TAF4: variants seen among roughly 807,000 people sequenced by gnomAD.
TAF4 encodes the protein TATA-box binding protein associated factor 4.
Under a neutral mutation model 90.3 loss-of-function variants are expected in TAF4, and 9 were observed. The ratio of observed to expected loss-of-function variants is 0.10; its 90% CI spans 0.06 to 0.17. The LOEUF (loss-of-function observed/expected upper bound fraction) is 0.17, where lower values mean the gene tolerates loss of function less well. Ranked by LOEUF, TAF4 falls within the 10% of genes least tolerant of loss-of-function variation. TAF4 has a pLI of 1.00. For synonymous variants in TAF4, 818 were observed against 638.9 expected (o/e 1.28, Z -4.23); for missense variants, 1,351 against 1,370.7 (o/e 0.99, Z 0.23).
At chr20:62,045,126 G>A (rs1371389604) in intron 1 of TAF4, among the ~76,000 whole-genome samples, 1 of 152,258 alleles carries the variant, frequency 6.6e-6, no homozygotes, top group Non-Finnish European at 1.5e-5. Flanking sequence ...ACCTCAGGTA[G>A]GGAGAGACAG....
intron 1 of TAF4, among the ~76,000 whole-genome samples, chr20:62,049,534 G>A (rs900327205): frequency 1.3e-5 from 2 of 151,878 alleles, no homozygotes; most frequent in Admixed American, 6.6e-5. Flanking sequence ...ACTGCCTGCA[G>A]AGGAAGGCCC....
chr20:61,982,239 A>G, intron 14 of TAF4, among the ~76,000 whole-genome samples: 1 of 99,812 alleles, frequency 1.0e-5, no homozygotes, highest in Non-Finnish European at 2.1e-5. Flanking sequence ...CTGAGAGGAA[A>G]CACCAAACCC....
intron 14 of TAF4, among the ~76,000 whole-genome samples, chr20:61,982,076 G>C (rs868249966): frequency 1.5e-3 from 153 of 102,814 alleles, no homozygotes; most frequent in African/African-American, 5.8e-3. Context: ...CACCCCACCC[G>C]AGAGGAGACA....
At position 62,065,065 on chromosome 20, in the gene TAF4, G is replaced by T; in HGVS notation, c.746C>A (p.Pro249His). The change falls in exon 1 of 15, where the codon CCC becomes CAC. Residue 249 changes from proline (P) to histidine (H), a missense_variant. Physicochemically the swap from Pro to His is moderately conservative, Grantham distance 77. Coordinates refer to ENST00000252996, the MANE Select transcript of TAF4 (RefSeq NM_003185.4). The part of the protein sequence containing the change: ...QTPPFVGAAA[P>H]PAPAAPSPPA... Reference sequence around the variant, plus strand: ...GGGCGAGGGCGCGGCGGGCGCGGGGGGCGCGGCGGCGCCCACGAAGGGGGG... The same window carrying T: ...GGGCGAGGGCGCGGCGGGCGCGGGGTGCGCGGCGGCGCCCACGAAGGGGGG... 3 of 899,360 alleles carry T rather than the reference G, an allele frequency of 3.3e-6. No individual in the cohort carries two copies. The highest frequency in any genetic ancestry group is 4.0e-6 in the Non-Finnish European group (3 of 758,618). 55.7% of individuals were successfully genotyped at this position (899,360 alleles called of 1,614,324 possible).
In TAF4 at chr20:61,995,864, C is replaced by T. The variant is rs542339131; in HGVS notation, c.3090+1686G>A. Among the ~76,000 whole-genome samples, 31 of 134,444 alleles carry T rather than the reference C, an allele frequency of 2.3e-4. 8 individuals are homozygous for T. The South Asian group carries it at 7.6e-3, about 33-fold the overall frequency. 88.2% of individuals were successfully genotyped at this position (134,444 alleles called of 152,430 possible). On this transcript the variant is annotated intron_variant, in intron 14 of 14. Coordinates refer to ENST00000252996, the MANE Select transcript of TAF4 (RefSeq NM_003185.4). ...CGGCCTGGGCGACAGAGCGAGACTC[C>T]GTCTCAAAAAAAAAAAAAAAAAAAA...
At position 62,065,413 on chromosome 20, in the gene TAF4, C is replaced by T. The variant is rs1218332548; in HGVS notation, c.398G>A (p.Ser133Asn). 2.7e-5 allele frequency: 26 copies of T among 973,226 alleles called. No homozygotes were observed. The highest frequency in any genetic ancestry group is 3.0e-5 in the Non-Finnish European group (25 of 823,976). The allele number at this position is 973,226 out of a possible 1,614,324, so 60.3% of individuals were successfully genotyped here. ...GGGCACCGGGGCGCAGGACCCCGCGCTGCCCTCGGGCGGCGGCCTCAGCTT... is the reference window on the plus strand; with the variant it reads ...GGGCACCGGGGCGCAGGACCCCGCGTTGCCCTCGGGCGGCGGCCTCAGCTT... ...AAKLRPPPEG[S>N]AGSCAPVPAA... Residue 133 changes from serine to asparagine, a missense_variant, in exon 1 of 15, where the codon AGC (serine) becomes AAC (asparagine). Transcript: ENST00000252996.
intron 1 of TAF4, among the ~76,000 whole-genome samples, chr20:62,019,923 C>T (rs1294975966): frequency 6.6e-6 from 1 of 152,210 alleles, no homozygotes; most frequent in African/African-American, 2.4e-5. Context: ...CCGGGTGCCG[C>T]AGGCCGCCCC....
intron 1 of TAF4, among the ~76,000 whole-genome samples, chr20:62,020,301 G>C (rs902655486): frequency 6.6e-6 from 1 of 152,156 alleles, no homozygotes; most frequent in Non-Finnish European, 1.5e-5. Context: ...TTCTGGTCCT[G>C]AGGGGCTCTC....
At chr20:62,056,746 C>T (rs1396369362) in intron 1 of TAF4, among the ~76,000 whole-genome samples, 1 of 152,072 alleles carries the variant, frequency 6.6e-6, no homozygotes, top group Admixed American at 6.5e-5. Flanking sequence ...GGCCAGGTGA[C>T]GTTACAAGTG....
In TAF4 at chr20:62,010,277, C is replaced by A; in HGVS notation, c.1642-112G>T. ...ACAAGCCTCCCTGCGGTGGCCAGGA[C>A]GCCCAGGAAGCCAAGGACCCCGGCC... On this transcript the variant is annotated intron_variant, in intron 3 of 14. Transcript: ENST00000252996. The surrounding 1 kb of genome is among the most constrained non-coding windows in gnomAD (Gnocchi z 4.5). The A allele has an allele frequency of 1.3e-6, 2 of 1,519,756 alleles. No homozygotes were observed. Among genetic ancestry groups the A allele is most frequent in the Non-Finnish European group, 8.9e-7 (1 of 1,125,430 alleles). 94.1% of individuals were successfully genotyped at this position (1,519,756 alleles called of 1,614,324 possible).
At chr20:61,979,918 G>T (rs1050237526) in intron 14 of TAF4, among the ~76,000 whole-genome samples, 1 of 152,246 alleles carries the variant, frequency 6.6e-6, no homozygotes, top group Non-Finnish European at 1.5e-5. Context: ...ATGTGCAGGC[G>T]CAATGGCGCA....
chr20:62,054,370 G>A (rs1312498387), intron 1 of TAF4, among the ~76,000 whole-genome samples: 1 of 152,192 alleles, frequency 6.6e-6, no homozygotes, highest in Non-Finnish European at 1.5e-5. Context: ...CTACAGATCT[G>A]TGAATTTGTG....
At position 62,006,928 on chromosome 20, in the gene TAF4, C is replaced by T; in HGVS notation, c.1975-170G>A. ...GTCAAGGGCCAGGACCCCATCCTGCCCTCCCACTAAGTGGGATTATTCCTG... is the reference window on the plus strand; with the variant it reads ...GTCAAGGGCCAGGACCCCATCCTGCTCTCCCACTAAGTGGGATTATTCCTG... On this transcript the variant is annotated intron_variant, in intron 6 of 14. Coordinates refer to ENST00000252996, the MANE Select transcript of TAF4 (RefSeq NM_003185.4). This position sits in a 1 kb window ranked among gnomAD's most constrained non-coding sequence, Gnocchi z 7.0. 1 of 859,450 alleles carries T rather than the reference C, an allele frequency of 1.2e-6. No individual in the cohort carries two copies. Among genetic ancestry groups the T allele is most frequent in the Non-Finnish European group, 1.6e-6 (1 of 634,874 alleles). 53.2% of individuals were successfully genotyped at this position (859,450 alleles called of 1,614,324 possible).
intron 1 of TAF4, among the ~76,000 whole-genome samples, chr20:62,030,182 C>T (rs917349858): frequency 1.3e-5 from 2 of 152,216 alleles, no homozygotes; most frequent in African/African-American, 4.8e-5. Flanking sequence ...CTCCAGGGAG[C>T]GGAATCACAG....
At chr20:62,037,192 C>T (rs189726342) in intron 1 of TAF4, among the ~76,000 whole-genome samples, 1 of 152,164 alleles carries the variant, frequency 6.6e-6, no homozygotes, top group African/African-American at 2.4e-5. Context: ...CTGCCTCCCC[C>T]AAGATCAGAA....
At position 61,990,281 on chromosome 20, in the gene TAF4, G is replaced by A. The variant is rs555628080; in HGVS notation, c.3090+7269C>T. Among the ~76,000 whole-genome samples, 28 of 152,322 alleles carry A rather than the reference G, an allele frequency of 1.8e-4. 1 individual carries two copies. The highest frequency in any genetic ancestry group is 1.0e-3 in the South Asian group (5 of 4,828). ...GCGTGATGCTCATACACCGGAGTCT[G>A]CACGGAGCTCCTTACTCTGTTCTTG... On this transcript the variant is annotated intron_variant, in intron 14 of 14. Coordinates refer to ENST00000252996, the MANE Select transcript of TAF4 (RefSeq NM_003185.4).
At chr20:62,026,689 G>A (rs902242180) in intron 1 of TAF4, among the ~76,000 whole-genome samples, 13 of 152,214 alleles carry the variant, frequency 8.5e-5, no homozygotes, top group African/African-American at 3.1e-4. Context: ...GCACAGGAAA[G>A]AGCAGCCTCT....
chr20:62,065,276 C>T lies in TAF4; in HGVS notation c.535G>A (p.Gly179Ser). The change falls in exon 1 of 15, where the codon GGC becomes AGC. Residue 179 changes from glycine to serine, a missense_variant. Coordinates refer to ENST00000252996, the MANE Select transcript of TAF4 (RefSeq NM_003185.4). ...CCAGGGCCAGGGCCGGGGCCGGGGC[C>T]GGGGCCGGGCCCGGGGCCGGGGCCG... ...RAGPGPGPGP[G>S]PGPGPGPGKP... 5.5e-6 allele frequency: 5 copies of T among 916,148 alleles called. No homozygotes were observed. The highest frequency in any genetic ancestry group is 6.4e-6 in the Non-Finnish European group (5 of 781,878). The allele number at this position is 916,148 out of a possible 1,614,324, so 56.8% of individuals were successfully genotyped here.
At chr20:62,028,371 C>G (rs2145490822) in intron 1 of TAF4, among the ~76,000 whole-genome samples, 1 of 152,260 alleles carries the variant, frequency 6.6e-6, no homozygotes, top group East Asian at 1.9e-4. Flanking sequence ...CTTTGAAAAA[C>G]ATGGGTCAAA....
Sources: gnomAD v4.1 joint callset for allele counts (sites outside exome capture counted in the v4.1 genomes callset) on GRCh38, gnomAD v4.1.1 for gene constraint, Gnocchi (gnomAD v3.1) non-coding constraint, MANE v1.5 for transcripts, NCBI Gene and HGNC (gene_info 2026-07-23, HGNC 2026-07-21) for gene names.